The following NEMF variants were observed in gnomAD, a reference collection of about 807,000 sequenced individuals.
NEMF encodes the protein nuclear export mediator factor.
In NEMF, 89 loss-of-function variants were observed where a neutral mutation model predicts 162.2. That is an observed-to-expected ratio of 0.55 (90% CI 0.46 to 0.65). NEMF has a LOEUF of 0.65. NEMF is among the 30% of genes least tolerant of loss of function. The probability of loss-of-function intolerance (pLI) is 0.00; values close to 1 mark genes in which losing one functional copy is unlikely to be tolerated. For missense variants in NEMF, 1,133 were observed against 1,261.9 expected (o/e 0.90, Z 1.55); for synonymous variants, 421 against 404.5 (o/e 1.04, Z -0.49).
At chr14:49,852,659 C>A (rs759454934) in intron 1 of NEMF, 36 bp downstream of exon 1, 2 of 1,611,198 alleles carry the variant, frequency 1.2e-6, no homozygotes, top group Non-Finnish European at 1.7e-6. Context: ...GCCTCCTGCA[C>A]TCCCCACACG....
In NEMF at chr14:49,795,650, T is replaced by A. The variant is rs968155470; in HGVS notation, c.2619+141A>T. 16 of 686,498 alleles carry A rather than the reference T, an allele frequency of 2.3e-5. No homozygotes were observed. In the Admixed American group the frequency reaches 3.0e-4, roughly 13 times the overall value. 42.5% of individuals were successfully genotyped at this position (686,498 alleles called of 1,614,324 possible). ...ATCTCTGTGTTCCCTAAATGCTGTATCTACTCAACTAATTTTTAGTCAAAG... is the reference window on the plus strand; with the variant it reads ...ATCTCTGTGTTCCCTAAATGCTGTAACTACTCAACTAATTTTTAGTCAAAG... On this transcript the variant is annotated intron_variant, in intron 26 of 32. Transcript: ENST00000298310.
Position 49,789,185 on chromosome 14 carries a change from CT to C in NEMF, c.2855del (p.Glu952GlyfsTer7). ...GATCATCTACAGCAAAGTCTTGTAA[CT>C]CATGAGTTATAACCTCAAGGAACGG... is the stretch of plus-strand genomic sequence containing the variant. The part of the protein sequence containing the change: ...ETPFLEVITH[E>X]LQDFAVDDPH... On this transcript the variant is annotated frameshift_variant, in exon 28 of 33. Coordinates refer to ENST00000298310, the MANE Select transcript of NEMF (RefSeq NM_004713.6). LOFTEE classifies it high-confidence loss of function. 4 of 1,614,164 alleles carry C rather than the reference CT, an allele frequency of 2.5e-6. No homozygotes were observed. Among genetic ancestry groups the C allele is most frequent in the Non-Finnish European group, 3.4e-6 (4 of 1,180,000 alleles).
intron 16 of NEMF, among the ~76,000 whole-genome samples, chr14:49,816,930 G>A (rs141191975): frequency 1.2e-3 from 190 of 152,200 alleles, no homozygotes; most frequent in African/African-American, 4.3e-3. Context: ...TCAAAAGAAG[G>A]CAATAATGAA....
At chr14:49,840,153 G>C (rs1437300537) in intron 5 of NEMF, among the ~76,000 whole-genome samples, 1 of 151,750 alleles carries the variant, frequency 6.6e-6, no homozygotes, top group Non-Finnish European at 1.5e-5. Flanking sequence ...GGGGGAGTGA[G>C]ACACCACCTC....
chr14:49,786,934 T>C, intron 28 of NEMF, 184 bp from the exon 29 acceptor site: 1 of 558,674 alleles, frequency 1.8e-6, no homozygotes. Flanking sequence ...TGTGTTTGTG[T>C]GTGTCTGTTT....
intron 25 of NEMF, among the ~76,000 whole-genome samples, chr14:49,799,207 CAAAAAAA>C (rs780442972): frequency 2.5e-3 from 147 of 59,070 alleles, no homozygotes; most frequent in African/African-American, 8.2e-3. Flanking sequence ...GACCCTGTTT[CAAAAAAA>C]AAAAAAAAAA....
intron 19 of NEMF, among the ~76,000 whole-genome samples, chr14:49,803,891 T>G (rs1252778057): frequency 1.3e-5 from 2 of 152,124 alleles, no homozygotes; most frequent in African/African-American, 4.8e-5. Flanking sequence ...TGAGATGTAA[T>G]GAGAAAACTA....
intron 16 of NEMF, among the ~76,000 whole-genome samples, chr14:49,824,911 C>T (rs1353148222): frequency 1.3e-5 from 2 of 152,036 alleles, no homozygotes; most frequent in South Asian, 4.1e-4. Flanking sequence ...GAAAAGTGTA[C>T]GATGCTTAGA....
rs144233330 is a variant in NEMF, at chr14:49,815,778, C to T, written c.1578-921G>A. On this transcript the variant is annotated intron_variant, in intron 16 of 32. Coordinates refer to ENST00000298310, the MANE Select transcript of NEMF (RefSeq NM_004713.6). ...AGGAGATCGAGACCATCCCGGTTAACATGGTGAAAACCCGTCTCTACTGAA... is the reference window on the plus strand; with the variant it reads ...AGGAGATCGAGACCATCCCGGTTAATATGGTGAAAACCCGTCTCTACTGAA... 8.7e-3 allele frequency among the ~76,000 whole-genome samples: 1,329 copies of T among 152,120 alleles called. 10 individuals are homozygous for T. The highest frequency in any genetic ancestry group is 0.012 in the Non-Finnish European group (815 of 67,994).
Position 49,782,407 on chromosome 14 carries a change from G to GT in NEMF, c.*2228dup. 1 of 1,612,690 alleles carries GT rather than the reference G, an allele frequency of 6.2e-7. No individual in the cohort carries two copies. The highest frequency in any genetic ancestry group is 8.5e-7 in the Non-Finnish European group (1 of 1,178,792). ...AGCTTGTGCCAGCGATGAAGGAGAA[G>GT]TAATTGTTTTTGGTGGATGTGCCAA... On this transcript the variant is annotated 3_prime_UTR_variant, in exon 33 of 33. Coordinates refer to ENST00000298310, the MANE Select transcript of NEMF (RefSeq NM_004713.6).
chr14:49,786,287 A>G (rs957236722), intron 29 of NEMF: 9 of 169,574 alleles, frequency 5.3e-5, no homozygotes, highest in Middle Eastern at 2.8e-3. Flanking sequence ...TCTCTTACCC[A>G]TTATTAAGGA....
rs1183365354 is a variant in NEMF at position 49,782,883 on chromosome 14, A to G, written c.*1753T>C. 6.2e-7 allele frequency: 1 copy of G among 1,613,838 alleles called. No individual in the cohort carries two copies. Among genetic ancestry groups the G allele is most frequent in the South Asian group, 1.1e-5 (1 of 91,074 alleles). ...AAAGAAATGTTAGCCAACTCATGGA[A>G]CTGCCTTCCAAAACACTTACTTCAC... On this transcript the variant is annotated 3_prime_UTR_variant, in exon 33 of 33. Coordinates refer to ENST00000298310, the MANE Select transcript of NEMF (RefSeq NM_004713.6).
chr14:49,806,238 A>C, intron 18 of NEMF, 105 bp from the exon 19 acceptor site: 1 of 13,812 alleles, frequency 7.2e-5, no homozygotes, highest in Admixed American at 9.1e-4. Flanking sequence ...ATGTGTATAT[A>C]TATATATATA....
intron 18 of NEMF, 97 bp from the exon 19 acceptor site, chr14:49,806,230 G>GTGTGTGTGTA: frequency 9.6e-6 from 1 of 104,214 alleles, no homozygotes; most frequent in South Asian, 6.0e-5. Context: ...TCAATGATAT[G>GTGTGTGTGTA]TGTATATATA....
chr14:49,803,265 A>G lies in NEMF; in HGVS notation c.1887T>C (p.Tyr629=). ...TTATCATGAAGCTTCCTGTTGTCAA[A>G]TATTCTCCAGTTGGTGCTGTTTTAG... ...QVSKTAPTGE[Y]LTTGSFMIRG... is the part of the protein sequence containing the mutation. The change falls in exon 20 of 33, where the codon TAT becomes TAC. Residue 629 remains tyrosine (Y), a synonymous_variant. Transcript: ENST00000298310. 1 of 1,610,406 alleles carries G rather than the reference A, an allele frequency of 6.2e-7. No homozygotes were observed. The highest frequency in any genetic ancestry group is 8.5e-7 in the Non-Finnish European group (1 of 1,176,876).
intron 16 of NEMF, among the ~76,000 whole-genome samples, chr14:49,825,257 G>C (rs1287556974): frequency 6.6e-6 from 1 of 152,154 alleles, no homozygotes; most frequent in Non-Finnish European, 1.5e-5. Context: ...GTATGTAATG[G>C]AACACAAGTG....
At position 49,784,013 on chromosome 14, in the gene NEMF, A is replaced by C. The variant is rs1048765177; in HGVS notation, c.*623T>G. 1 of 152,074 alleles carries C rather than the reference A, an allele frequency of 6.6e-6. No homozygotes were observed. The highest frequency in any genetic ancestry group is 6.6e-5 in the Admixed American group (1 of 15,248). 9.4% of individuals were successfully genotyped at this position (152,074 alleles called of 1,614,324 possible). On this transcript the variant is annotated 3_prime_UTR_variant, in exon 33 of 33. Coordinates refer to ENST00000298310, the MANE Select transcript of NEMF (RefSeq NM_004713.6). ...GACTTACCAAGTCAATAGTTTAAGC[A>C]ATCAAGCCACTTCACTGTTCAGTTT...
chr14:49,852,273 C>G (rs1893815978), intron 1 of NEMF, among the ~76,000 whole-genome samples: 1 of 152,232 alleles, frequency 6.6e-6, no homozygotes. Flanking sequence ...CAAATCTGCT[C>G]AATCCAGCTA....
At position 49,836,633 on chromosome 14, in the gene NEMF, G is replaced by A. The variant is rs143956056; in HGVS notation, c.574+1506C>T. Among the ~76,000 whole-genome samples, 207 of 152,130 alleles carry A rather than the reference G, an allele frequency of 1.4e-3. 1 individual carries two copies. Among genetic ancestry groups the A allele is most frequent in the African/African-American group, 4.3e-3 (177 of 41,498 alleles). On this transcript the variant is annotated intron_variant, in intron 6 of 32. Coordinates refer to ENST00000298310, the MANE Select transcript of NEMF (RefSeq NM_004713.6). ...CGCACTTCAGCCTGGGCAACAGAGC[G>A]AGACCCTTGGGAAATGCAGAAGATC...
Sources: gnomAD v4.1 joint callset for allele counts (sites outside exome capture counted in the v4.1 genomes callset) on GRCh38, gnomAD v4.1.1 for gene constraint, MANE v1.5 for transcripts, NCBI Gene and HGNC (gene_info 2026-07-23, HGNC 2026-07-21) for gene names.